The following RPRD1B variants were observed in gnomAD, a reference collection of about 807,000 sequenced individuals.
RPRD1B encodes regulation of nuclear pre-mRNA domain containing 1B.
In RPRD1B, 11 loss-of-function variants were observed where a neutral mutation model predicts 41.5. The ratio of observed to expected loss-of-function variants is 0.27; its 90% confidence interval spans 0.17 to 0.44. The LOEUF (loss-of-function observed/expected upper bound fraction) is 0.44, where lower values mean the gene tolerates loss of function less well. RPRD1B is among the 20% of genes least tolerant of loss of function. The pLI is 1.00. For synonymous variants in RPRD1B, 158 were observed against 155.6 expected (o/e 1.02, Z -0.12); for missense variants, 248 against 389.9 (o/e 0.64, Z 3.06).
chr20:38,052,752 G>GTTTTTTT (rs146687415), intron 3 of RPRD1B, among the ~76,000 whole-genome samples: 1 of 81,702 alleles, frequency 1.2e-5, no homozygotes, highest in Non-Finnish European at 2.3e-5. Context: ...CAAACGCGGT[G>GTTTTTTT]TTTTTTTTTT....
chr20:38,068,669 A>T (rs2074382576), intron 6 of RPRD1B, among the ~76,000 whole-genome samples: 1 of 152,160 alleles, frequency 6.6e-6, no homozygotes, highest in Non-Finnish European at 1.5e-5. Context: ...AAGATTTGAG[A>T]GATGGTTTTA....
At chr20:38,084,039 A>G (rs2074538541) in intron 6 of RPRD1B, 1 of 152,202 alleles carries the variant, frequency 6.6e-6, no homozygotes, top group Admixed American at 6.5e-5. Context: ...CAGAAACATA[A>G]TGAGGGAATG....
chr20:38,062,426 A>C (rs963461285), intron 5 of RPRD1B, among the ~76,000 whole-genome samples: 1 of 151,846 alleles, frequency 6.6e-6, no homozygotes. Flanking sequence ...CATATATCCA[A>C]CCTCCTACTC....
At chr20:38,045,493 G>A (rs549220985) in intron 2 of RPRD1B, among the ~76,000 whole-genome samples, 2 of 152,344 alleles carry the variant, frequency 1.3e-5, no homozygotes, top group East Asian at 3.9e-4. Flanking sequence ...GGAAATATCT[G>A]TCCTGGTTAG....
At chr20:38,089,071 G>C (rs2074589052) in intron 6 of RPRD1B, among the ~76,000 whole-genome samples, 1 of 152,202 alleles carries the variant, frequency 6.6e-6, no homozygotes, top group Non-Finnish European at 1.5e-5. Context: ...TGGAGCTAGT[G>C]GGGTGCCGTG....
At chr20:38,078,396 C>A (rs1034024997) in intron 6 of RPRD1B, among the ~76,000 whole-genome samples, 10 of 152,200 alleles carry the variant, frequency 6.6e-5, no homozygotes, top group Admixed American at 2.0e-4. Context: ...CTAGTTAATT[C>A]CTGTGTTCAC....
intron 1 of RPRD1B, among the ~76,000 whole-genome samples, chr20:38,040,217 C>G (rs1285893971): frequency 6.6e-6 from 1 of 151,024 alleles, no homozygotes; most frequent in Non-Finnish European, 1.5e-5. Flanking sequence ...AACAACACAG[C>G]AATGAAGATG....
At position 38,046,190 on chromosome 20, in the gene RPRD1B, A is replaced by G. The variant is rs183973638; in HGVS notation, c.282-2158A>G. 5.9e-5 allele frequency among the ~76,000 whole-genome samples: 9 copies of G among 152,288 alleles called. No individual in the cohort carries two copies. In the East Asian group the frequency reaches 1.7e-3, roughly 29 times the overall value. ...TGCAAAGTTCCAGGTAGGGTAGGGAAAGGAGACTAAAAACAGGTCTGAGGG... is the reference window on the plus strand; with the variant it reads ...TGCAAAGTTCCAGGTAGGGTAGGGAGAGGAGACTAAAAACAGGTCTGAGGG... On this transcript the variant is annotated intron_variant, in intron 2 of 6. Coordinates refer to ENST00000373433, the MANE Select transcript of RPRD1B (RefSeq NM_021215.4).
At chr20:38,064,261 A>C (rs912293236) in intron 5 of RPRD1B, among the ~76,000 whole-genome samples, 1 of 152,190 alleles carries the variant, frequency 6.6e-6, no homozygotes, top group African/African-American at 2.4e-5. Flanking sequence ...AGAGGTTCCT[A>C]ATCTTTGGCA....
intron 3 of RPRD1B, among the ~76,000 whole-genome samples, chr20:38,050,782 G>A (rs903301417): frequency 3.3e-5 from 5 of 152,146 alleles, no homozygotes; most frequent in African/African-American, 7.2e-5. Flanking sequence ...TTTCCTCTAG[G>A]TAGAGGATAA....
rs2122783558 is a variant in RPRD1B, at chr20:38,091,952, G to C, written c.*2077G>C. Reference sequence around the variant, plus strand: ...TACCTGTTACTAGTGGACTTCCTGTGAGGAAGTTAGTTTTTTGTTTTGATG... The same window carrying C: ...TACCTGTTACTAGTGGACTTCCTGTCAGGAAGTTAGTTTTTTGTTTTGATG... On this transcript the variant is annotated 3_prime_UTR_variant, in exon 7 of 7. Transcript: ENST00000373433. The C allele has an allele frequency of 1.0e-6, 1 of 985,766 alleles. No homozygotes were observed. Among genetic ancestry groups the C allele is most frequent in the South Asian group, 4.7e-5 (1 of 21,280 alleles). The allele number at this position is 985,766 out of a possible 1,614,324, so 61.1% of individuals were successfully genotyped here.
chr20:38,051,160 GTC>G (rs1226566356), intron 3 of RPRD1B, among the ~76,000 whole-genome samples: 1 of 152,160 alleles, frequency 6.6e-6, no homozygotes, highest in East Asian at 1.9e-4. Flanking sequence ...TTATAAACCT[GTC>G]TCTCAAGGTG....
At chr20:38,077,875 C>T (rs1029728977) in intron 6 of RPRD1B, among the ~76,000 whole-genome samples, 4 of 152,244 alleles carry the variant, frequency 2.6e-5, no homozygotes, top group African/African-American at 9.6e-5. Context: ...ATTCCTAGTT[C>T]TTCGAATATG....
Position 38,061,790 on chromosome 20 carries a change from C to T in RPRD1B, c.655+2270C>T, listed in dbSNP as rs140127573. ...TTAACTTCACCCCAGTAGTATTTGG[C>T]CCAGTAGATTATTTCTTCTTCCTGA... On this transcript the variant is annotated intron_variant, in intron 5 of 6. Coordinates refer to ENST00000373433, the MANE Select transcript of RPRD1B (RefSeq NM_021215.4). Among the ~76,000 whole-genome samples, 128 of 152,258 alleles carry T rather than the reference C, an allele frequency of 8.4e-4. 1 individual carries two copies. The East Asian group carries it at 0.023, about 28-fold the overall frequency.
At chr20:38,071,877 CT>C in intron 6 of RPRD1B, among the ~76,000 whole-genome samples, 1 of 152,102 alleles carries the variant, frequency 6.6e-6, no homozygotes, top group Non-Finnish European at 1.5e-5. Context: ...GGGTTATTTG[CT>C]TTTTTTGAGT....
rs185304805 is a variant in RPRD1B at position 38,090,190 on chromosome 20, C to T, written c.*315C>T. The T allele has an allele frequency of 9.6e-7, 1 of 1,038,428 alleles. No individual in the cohort carries two copies. The highest frequency in any genetic ancestry group is 1.7e-5 in the African/African-American group (1 of 59,644). 64.3% of individuals were successfully genotyped at this position (1,038,428 alleles called of 1,614,324 possible). A position where few individuals can be genotyped will look rare whatever the true frequency, so the allele number is the denominator to read the frequency against. On this transcript the variant is annotated 3_prime_UTR_variant, in exon 7 of 7. Transcript: ENST00000373433. The stretch of plus-strand genomic sequence containing the variant: ...CTTATACCTAAGAAGTTATGAAAAT[C>T]ATGTGTACTTCTGGAAGCTTTCGAA...
chr20:38,059,912 GCT>G (rs1284809042), intron 5 of RPRD1B, among the ~76,000 whole-genome samples: 2 of 152,248 alleles, frequency 1.3e-5, no homozygotes, highest in South Asian at 4.1e-4. Context: ...TTTGTGCCCT[GCT>G]CTCTGACAAG....
intron 6 of RPRD1B, among the ~76,000 whole-genome samples, chr20:38,068,051 A>G (rs2074375032): frequency 6.6e-6 from 1 of 152,114 alleles, no homozygotes. Context: ...CCACAGTTGC[A>G]CTCTGCTCTG....
Position 38,085,729 on chromosome 20 carries a change from G to A in RPRD1B, c.832-3997G>A, listed in dbSNP as rs191272615. Reference sequence around the variant, plus strand: ...AGACCCAAAGAGAATAACCTGGAAAGTCAGCTAGTGAGGGTCTGCAAGACC... The same window carrying A: ...AGACCCAAAGAGAATAACCTGGAAAATCAGCTAGTGAGGGTCTGCAAGACC... On this transcript the variant is annotated intron_variant, in intron 6 of 6. Transcript: ENST00000373433. 65 of 152,362 alleles carry A rather than the reference G, an allele frequency of 4.3e-4. 1 individual carries two copies. Among genetic ancestry groups the A allele is most frequent in the Non-Finnish European group, 9.1e-4 (62 of 68,152 alleles). 9.4% of individuals were successfully genotyped at this position (152,362 alleles called of 1,614,324 possible).
Sources: gnomAD v4.1 joint callset for allele counts (sites outside exome capture counted in the v4.1 genomes callset) on GRCh38, gnomAD v4.1.1 for gene constraint, MANE v1.5 for transcripts, NCBI Gene and HGNC (gene_info 2026-07-23, HGNC 2026-07-21) for gene names.